The following NKD1 variants were observed in gnomAD, a reference collection of about 807,000 sequenced individuals.
NKD1 encodes protein naked cuticle homolog 1.
Under a neutral mutation model 56.0 loss-of-function variants are expected in NKD1, and 21 were observed. That is an observed-to-expected ratio of 0.38 (90% CI 0.27 to 0.54). The LOEUF is 0.54. Among genes scored for constraint, NKD1 ranks in the 20% least tolerant of loss-of-function variants. The pLI, the probability that NKD1 is intolerant of heterozygous loss-of-function variation, is 0.82. For synonymous variants in NKD1, 263 were observed against 265.7 expected, an observed-to-expected ratio of 0.99 and a Z score of 0.10; for missense variants, 578 against 642.7, an observed-to-expected ratio of 0.90 and a Z score of 1.09.
At chr16:50,625,215 C>T (rs1460317094) in intron 5 of NKD1, 2 of 515,926 alleles carry the variant, frequency 3.9e-6, no homozygotes, top group Middle Eastern at 5.3e-4. Context: ...CTTCTCAGAA[C>T]CCCCTGTGTT....
rs567977502 is a variant in NKD1 at position 50,616,615 on chromosome 16, C to T, written c.260-4987C>T. 1.3e-4 allele frequency among the ~76,000 whole-genome samples: 20 copies of T among 152,286 alleles called. No individual in the cohort carries two copies. The East Asian group carries it at 1.4e-3, about 10-fold the overall frequency. ...GGGAAGTGCTAGGCATTGGGCAACC[C>T]GGGAGCAGAAGCCTAGAAGGCGCCA... On this transcript the variant is annotated intron_variant, in intron 4 of 9. Transcript: ENST00000268459.
chr16:50,559,130 G>T (rs1257500880), intron 3 of NKD1, among the ~76,000 whole-genome samples: 1 of 152,200 alleles, frequency 6.6e-6, no homozygotes, highest in Non-Finnish European at 1.5e-5. Context: ...CTGTGGAATG[G>T]GTAGAGTAAT....
In NKD1 at chr16:50,632,919, T is replaced by C. The variant is rs548954278; in HGVS notation, c.824-273T>C. 2.6e-5 allele frequency among the ~76,000 whole-genome samples: 4 copies of C among 152,342 alleles called. No individual in the cohort carries two copies. The East Asian group carries it at 7.7e-4, about 29-fold the overall frequency. ...GAGTTCTTTCTTGCCCCAGTGACCT[T>C]AGATAGTTTTCGGGGTCTCTGCTGC... On this transcript the variant is annotated intron_variant, in intron 9 of 9. Coordinates refer to ENST00000268459, the MANE Select transcript of NKD1 (RefSeq NM_033119.5). This position sits in a 1 kb window ranked among gnomAD's most constrained non-coding sequence, Gnocchi z 4.1.
intron 3 of NKD1, among the ~76,000 whole-genome samples, chr16:50,550,837 G>C (rs1171064863): frequency 1.3e-5 from 2 of 152,216 alleles, no homozygotes; most frequent in Non-Finnish European, 2.9e-5. Context: ...TGCATTTACA[G>C]CTCCAGACAG....
rs1962508749 is a variant in NKD1, at chr16:50,638,176, C to G, written c.*4395C>G. 1 of 152,156 alleles carries G rather than the reference C, an allele frequency of 6.6e-6. No individual in the cohort carries two copies. The highest frequency in any genetic ancestry group is 1.5e-5 in the Non-Finnish European group (1 of 68,052). 9.4% of individuals were successfully genotyped at this position (152,156 alleles called of 1,614,324 possible). On this transcript the variant is annotated 3_prime_UTR_variant, in exon 10 of 10. Coordinates refer to ENST00000268459, the MANE Select transcript of NKD1 (RefSeq NM_033119.5). ...TGCATCTTGGTGTGTCTGTCAGATG[C>G]CAGCACTAATAACCTGGCTTCTGTG...
intron 3 of NKD1, among the ~76,000 whole-genome samples, chr16:50,562,983 A>ACCCCCCCCCCCCCCCC (rs1483596865): frequency 3.4e-4 from 18 of 53,514 alleles, no homozygotes; most frequent in African/African-American, 1.3e-3. Context: ...AGGTCCCACC[A>ACCCCCCCCCCCCCCCC]CCACCCCCCC....
chr16:50,628,321 G>A (rs1412762207), intron 6 of NKD1, among the ~76,000 whole-genome samples: 6 of 152,202 alleles, frequency 3.9e-5, no homozygotes, highest in East Asian at 1.9e-4. Context: ...CAGGGTCAGC[G>A]CCTCTGTCGG....
intron 4 of NKD1, among the ~76,000 whole-genome samples, chr16:50,618,854 A>G (rs1343833752): frequency 6.6e-6 from 1 of 152,176 alleles, no homozygotes; most frequent in African/African-American, 2.4e-5. Context: ...TCTTTGGGGA[A>G]GACATATGAG....
At chr16:50,608,553 G>T (rs987957896) in intron 4 of NKD1, 193 bp downstream of exon 4, 4 of 608,064 alleles carry the variant, frequency 6.6e-6, no homozygotes, top group Admixed American at 4.9e-5. Context: ...TACTTCATAG[G>T]TCCAAGCCCA....
rs538479892 is a variant in NKD1 at position 50,568,008 on chromosome 16, G to A, written c.192+18453G>A. Reference sequence around the variant, plus strand: ...ACTGGGCAGAAGATTGCTTTATGGCGAGAGCCAGTTATTTCAGGAGACAAG... The same window carrying A: ...ACTGGGCAGAAGATTGCTTTATGGCAAGAGCCAGTTATTTCAGGAGACAAG... On this transcript the variant is annotated intron_variant, in intron 3 of 9. Coordinates refer to ENST00000268459, the MANE Select transcript of NKD1 (RefSeq NM_033119.5). 3.9e-5 allele frequency among the ~76,000 whole-genome samples: 6 copies of A among 152,368 alleles called. 1 individual carries two copies. Among genetic ancestry groups the A allele is most frequent in the East Asian group, 1.9e-4 (1 of 5,194 alleles).
At chr16:50,577,849 T>C (rs557858162) in intron 3 of NKD1, among the ~76,000 whole-genome samples, 59 of 152,316 alleles carry the variant, frequency 3.9e-4, no homozygotes, top group African/African-American at 1.4e-3. Flanking sequence ...GGCATTCAGG[T>C]GGGAGGCATT....
At chr16:50,563,018 A>G (rs1960676499) in intron 3 of NKD1, among the ~76,000 whole-genome samples, 1 of 126,592 alleles carries the variant, frequency 7.9e-6, no homozygotes. Context: ...TGGGTAGAAG[A>G]AGGGGCTGTA....
chr16:50,554,981 A>G (rs570777218), intron 3 of NKD1, among the ~76,000 whole-genome samples: 1 of 152,216 alleles, frequency 6.6e-6, no homozygotes, highest in Admixed American at 6.5e-5. Context: ...TACAGTGGAG[A>G]ATAAGAGAGA....
chr16:50,576,154 T>C (rs932103138), intron 3 of NKD1, among the ~76,000 whole-genome samples: 6 of 152,356 alleles, frequency 3.9e-5, no homozygotes, highest in Middle Eastern at 3.4e-3. Context: ...TGGGACTATA[T>C]GCTAGTTTGC....
intron 4 of NKD1, among the ~76,000 whole-genome samples, chr16:50,610,249 C>T (rs1330871733): frequency 6.6e-6 from 1 of 152,180 alleles, no homozygotes; most frequent in Admixed American, 6.5e-5. Flanking sequence ...AAACTAATGT[C>T]AGTATTTAAA....
chr16:50,620,401 C>G (rs890138019), intron 4 of NKD1, among the ~76,000 whole-genome samples: 6 of 152,204 alleles, frequency 3.9e-5, no homozygotes, highest in Non-Finnish European at 5.9e-5. Flanking sequence ...CCTCATTTCT[C>G]CAGGCTGCTG....
At position 50,632,252 on chromosome 16, in the gene NKD1, A is replaced by G; in HGVS notation, c.696-29A>G. 5 of 1,613,266 alleles carry G rather than the reference A, an allele frequency of 3.1e-6. No homozygotes were observed. Among genetic ancestry groups the G allele is most frequent in the Non-Finnish European group, 4.2e-6 (5 of 1,179,438 alleles). ...TTGCCCCCACCTGGTGGTTGGTGTT[A>G]TCCCACTCACTTGCCTCCCCTGCCG... On this transcript the variant is annotated intron_variant, in intron 8 of 9. Transcript: ENST00000268459. The surrounding 1 kb of genome is among the most constrained non-coding windows in gnomAD (Gnocchi z 4.1).
intron 3 of NKD1, among the ~76,000 whole-genome samples, chr16:50,591,948 A>G (rs982852971): frequency 1.3e-5 from 2 of 152,208 alleles, no homozygotes; most frequent in African/African-American, 4.8e-5. Context: ...CAAGCAACCC[A>G]AGGGGACCCT....
rs115878003 is a variant in NKD1 at position 50,570,050 on chromosome 16, C to T, written c.192+20495C>T. On this transcript the variant is annotated intron_variant, in intron 3 of 9. Transcript: ENST00000268459. Reference sequence around the variant, plus strand: ...TGCTCAGGGGATTTCAAAATCTTAACGTAGAAAAGGAAAAGTATGTCAACT... The same window carrying T: ...TGCTCAGGGGATTTCAAAATCTTAATGTAGAAAAGGAAAAGTATGTCAACT... Among the ~76,000 whole-genome samples the T allele has an allele frequency of 3.9e-3, 592 of 151,910 alleles. 5 individuals are homozygous for T. The highest frequency in any genetic ancestry group is 0.014 in the African/African-American group (577 of 41,396).
Sources: allele counts gnomAD v4.1 joint callset (sites outside exome capture counted in the v4.1 genomes callset), GRCh38; gene constraint gnomAD v4.1.1; non-coding constraint Gnocchi (gnomAD v3.1); transcripts MANE v1.5; gene names NCBI Gene and HGNC (gene_info 2026-07-23, HGNC 2026-07-21).